MYO3A: variants seen among roughly 807,000 people sequenced by gnomAD.
MYO3A encodes the protein myosin IIIA.
MYO3A carries 180 observed loss-of-function variants against 192.7 expected under a neutral mutation model. The ratio of observed to expected loss-of-function variants is 0.93; its 90% confidence interval spans 0.83 to 1.06. The LOEUF is 1.06. MYO3A is among the 50% of genes least tolerant of loss of function. The pLI is 0.00. For missense variants in MYO3A, 1,896 were observed against 1,905.0 expected, an observed-to-expected ratio of 1.00 and a Z score of 0.09; for synonymous variants, 628 against 645.3, an observed-to-expected ratio of 0.97 and a Z score of 0.41.
chr10:26,047,694 G>A (rs1843712625), intron 10 of MYO3A, among the ~76,000 whole-genome samples: 1 of 152,092 alleles, frequency 6.6e-6, no homozygotes, highest in South Asian at 2.1e-4. Flanking sequence ...AGAATGGCAT[G>A]AACCCGGGAG....
intron 11 of MYO3A, 124 bp from the exon 12 acceptor site, chr10:26,068,644 G>T (rs35636005): frequency 1.6e-6 from 1 of 612,868 alleles, no homozygotes; most frequent in South Asian, 1.8e-5. Flanking sequence ...TTTACTATCA[G>T]TGTGTCTGTT....
chr10:26,110,545 A>T (rs1322128153), intron 17 of MYO3A, among the ~76,000 whole-genome samples: 3 of 152,200 alleles, frequency 2.0e-5, no homozygotes, highest in African/African-American at 4.8e-5. Context: ...GATGTCTGGA[A>T]TGATACATAA....
rs1298950288 is a variant in MYO3A at position 26,212,109 on chromosome 10, C to A, written c.*146C>A. 9.6e-6 allele frequency: 12 copies of A among 1,244,078 alleles called. No individual in the cohort carries two copies. The highest frequency in any genetic ancestry group is 1.2e-5 in the Non-Finnish European group (11 of 925,360). 77.1% of individuals were successfully genotyped at this position (1,244,078 alleles called of 1,614,324 possible). ...GAGGCTGCCTGCTGCGCTCGGCCCT[C>A]AAGTGCCCGGGCCGGCCTTCGTGCT... is the stretch of plus-strand genomic sequence containing the variant. On this transcript the variant is annotated 3_prime_UTR_variant, in exon 35 of 35. Coordinates refer to ENST00000642920, the MANE Select transcript of MYO3A (RefSeq NM_017433.5).
At chr10:26,202,116 C>G (rs1564643357) in intron 33 of MYO3A, among the ~76,000 whole-genome samples, 3 of 152,194 alleles carry the variant, frequency 2.0e-5, no homozygotes, top group African/African-American at 7.2e-5. Flanking sequence ...ATATTTTACT[C>G]TTTTAATATT....
At chr10:25,935,516 A>G (rs139019410) in intron 1 of MYO3A, among the ~76,000 whole-genome samples, 1 of 152,326 alleles carries the variant, frequency 6.6e-6, no homozygotes, top group African/African-American at 2.4e-5. Flanking sequence ...GCATTTTTAT[A>G]ATTCAGACGG....
At chr10:26,202,298 C>G (rs534713969) in intron 33 of MYO3A, among the ~76,000 whole-genome samples, 80 of 152,244 alleles carry the variant, frequency 5.3e-4, no homozygotes, top group African/African-American at 1.9e-3. Flanking sequence ...AGTGTGTTTT[C>G]CTGGAAGCAT....
intron 10 of MYO3A, among the ~76,000 whole-genome samples, chr10:26,042,133 T>C (rs894827034): frequency 2.0e-5 from 3 of 152,178 alleles, no homozygotes; most frequent in South Asian, 2.1e-4. Flanking sequence ...ACTTTACATA[T>C]GTCATGCCAC....
chr10:26,102,804 G>A (rs1320539600), intron 17 of MYO3A, among the ~76,000 whole-genome samples: 2 of 152,190 alleles, frequency 1.3e-5, no homozygotes, highest in African/African-American at 4.8e-5. Context: ...GGTGTCAGTC[G>A]GCCCCTACTG....
At chr10:25,968,174 G>A (rs1229502622) in intron 4 of MYO3A, among the ~76,000 whole-genome samples, 2 of 152,020 alleles carry the variant, frequency 1.3e-5, no homozygotes, top group Non-Finnish European at 2.9e-5. Context: ...AGCAGCAAGA[G>A]AAAAAAGACA....
chr10:25,965,269 C>T (rs1034306518), intron 4 of MYO3A, among the ~76,000 whole-genome samples: 1 of 152,144 alleles, frequency 6.6e-6, no homozygotes, highest in Non-Finnish European at 1.5e-5. Context: ...TTCTTTTGCA[C>T]TGGGTCTTTT....
intron 15 of MYO3A, among the ~76,000 whole-genome samples, chr10:26,094,420 C>CTTTTTTT (rs965507109): frequency 2.4e-4 from 24 of 101,298 alleles, no homozygotes; most frequent in Admixed American, 3.4e-4. Context: ...TGAATAATTT[C>CTTTTTTT]TTTTTTTTTT....
chr10:26,056,239 G>A (rs1834102694), intron 10 of MYO3A, among the ~76,000 whole-genome samples: 1 of 152,036 alleles, frequency 6.6e-6, no homozygotes, highest in Non-Finnish European at 1.5e-5. Flanking sequence ...TGGACTCAGT[G>A]GAGAAAACAA....
chr10:26,183,517 C>G (rs1336705085), intron 31 of MYO3A, among the ~76,000 whole-genome samples: 2 of 151,360 alleles, frequency 1.3e-5, no homozygotes, highest in Non-Finnish European at 2.9e-5. Context: ...AGTGAGACTT[C>G]GTCTCAAAAA....
In MYO3A at chr10:26,212,274, T is replaced by A. The variant is rs1268315022; in HGVS notation, c.*311T>A. ...CCTAATCTATCACTTTGTTCTTTTTTTTTGTGACTCCTGTGGACTCCACTG... is the reference window on the plus strand; with the variant it reads ...CCTAATCTATCACTTTGTTCTTTTTATTTGTGACTCCTGTGGACTCCACTG... On this transcript the variant is annotated 3_prime_UTR_variant, in exon 35 of 35. Coordinates refer to ENST00000642920, the MANE Select transcript of MYO3A (RefSeq NM_017433.5). 1.8e-5 allele frequency: 8 copies of A among 442,988 alleles called. No individual in the cohort carries two copies. Among genetic ancestry groups the A allele is most frequent in the African/African-American group, 1.6e-4 (8 of 50,544 alleles). The allele number at this position is 442,988 out of a possible 1,614,324, so 27.4% of individuals were successfully genotyped here. A position where few individuals can be genotyped will look rare whatever the true frequency, so the allele number is the denominator to read the frequency against.
Position 26,212,414 on chromosome 10 carries a change from T to C in MYO3A, c.*451T>C, listed in dbSNP as rs1032985632. The C allele has an allele frequency of 1.5e-5, 4 of 274,772 alleles. No homozygotes were observed. Among genetic ancestry groups the C allele is most frequent in the Non-Finnish European group, 2.7e-5 (4 of 148,602 alleles). 17.0% of individuals were successfully genotyped at this position (274,772 alleles called of 1,614,324 possible). On this transcript the variant is annotated 3_prime_UTR_variant, in exon 35 of 35. Coordinates refer to ENST00000642920, the MANE Select transcript of MYO3A (RefSeq NM_017433.5). ...AGAACACTTGCTAGCGGTTGAATCTTAGAGAAAAAAGCCCGGGAGGGGTGG... is the reference window on the plus strand; with the variant it reads ...AGAACACTTGCTAGCGGTTGAATCTCAGAGAAAAAAGCCCGGGAGGGGTGG...
At chr10:26,016,772 T>A (rs1324911603) in intron 6 of MYO3A, 48 bp from the exon 7 acceptor site, 1 of 1,548,322 alleles carries the variant, frequency 6.5e-7, no homozygotes, top group Admixed American at 1.7e-5. Flanking sequence ...TGAAAGCTCT[T>A]TATATGAGTA....
chr10:26,055,088 G>A (rs1844234833), intron 10 of MYO3A, among the ~76,000 whole-genome samples: 1 of 152,226 alleles, frequency 6.6e-6, no homozygotes, highest in South Asian at 2.1e-4. Flanking sequence ...ACCTAAGGCA[G>A]CAGCTTCTAT....
At chr10:26,139,733 C>T (rs996933806) in intron 20 of MYO3A, among the ~76,000 whole-genome samples, 2 of 152,130 alleles carry the variant, frequency 1.3e-5, no homozygotes, top group African/African-American at 4.8e-5. Context: ...CAAGACCCAA[C>T]TCTACTAAAA....
intron 30 of MYO3A, among the ~76,000 whole-genome samples, chr10:26,176,377 A>G (rs1437001268): frequency 6.6e-6 from 1 of 152,194 alleles, no homozygotes; most frequent in Non-Finnish European, 1.5e-5. Flanking sequence ...ACAGAAGCAG[A>G]AAGGCAAACA....
Sources: gnomAD v4.1 joint callset for allele counts (sites outside exome capture counted in the v4.1 genomes callset) on GRCh38, gnomAD v4.1.1 for gene constraint, MANE v1.5 for transcripts, NCBI Gene and HGNC (gene_info 2026-07-23, HGNC 2026-07-21) for gene names.